Variants in GLT6D1 observed in about 807,000 individuals in gnomAD.
The protein encoded by GLT6D1 is glycosyltransferase 6 domain containing 1.
In GLT6D1, 9 loss-of-function variants were observed where a neutral mutation model predicts 12.3. The observed-to-expected ratio is 0.73, with a 90% CI of 0.44 to 1.27. GLT6D1 has a LOEUF of 1.27. GLT6D1 is among the 50% of genes most tolerant of loss of function. The pLI, the probability that GLT6D1 is intolerant of heterozygous loss-of-function variation, is 0.00. For synonymous variants in GLT6D1, 128 were observed against 132.3 expected (o/e 0.97, Z 0.23); for missense variants, 335 against 346.2 (o/e 0.97, Z 0.26).
chr9:135,630,728 A>AG (rs1374769429), intron 3 of GLT6D1, among the ~76,000 whole-genome samples: 1 of 152,158 alleles, frequency 6.6e-6, no homozygotes, highest in African/African-American at 2.4e-5. Flanking sequence ...TCTACAAAAA[A>AG]AAAAAAAAGA....
chr9:135,640,324 A>G (rs1056437659), upstream of GLT6D1, among the ~76,000 whole-genome samples: 5 of 152,220 alleles, frequency 3.3e-5, no homozygotes, highest in Non-Finnish European at 7.3e-5. Flanking sequence ...TGGGTGTCAT[A>G]GTCTGGAAAG....
At position 135,624,344 on chromosome 9, in the gene GLT6D1, T is replaced by C. The variant is rs35762223; in HGVS notation, c.584A>G (p.His195Arg). Residue 195 changes from histidine to arginine, a missense_variant, in exon 5 of 5, where the codon CAC becomes CGC. By Grantham distance (29) the His-to-Arg change is conservative. Transcript: ENST00000371763. ...ETLGPLVAQL[H>R]AWWYFRNTKN... ...GGTGTTTCTGAAATACCACCAGGCG[T>C]GGAGCTGGGCCACCAACGGGCCCAG... 0.13 allele frequency: 215,998 copies of C among 1,613,038 alleles called. 14,941 individuals are homozygous for C. Among genetic ancestry groups the C allele is most frequent in the East Asian group, 0.16 (7,397 of 44,856 alleles).
At chr9:135,631,381 T>C (rs375619012) in intron 3 of GLT6D1, 50 bp downstream of exon 3, 16 of 1,379,878 alleles carry the variant, frequency 1.2e-5, no homozygotes, top group East Asian at 6.9e-5. Flanking sequence ...TTACTTCCAA[T>C]TGAAGTATAT....
chr9:135,630,621 G>A (rs1009019887), intron 3 of GLT6D1, among the ~76,000 whole-genome samples: 1 of 151,718 alleles, frequency 6.6e-6, no homozygotes, highest in African/African-American at 2.4e-5. Context: ...ACGGGAGGCT[G>A]AGGCAGGAGA....
chr9:135,631,850 G>A (rs577020908), intron 2 of GLT6D1, among the ~76,000 whole-genome samples: 2 of 152,140 alleles, frequency 1.3e-5, no homozygotes, highest in Non-Finnish European at 2.9e-5. Context: ...GTAAAGAGGT[G>A]GGGAGGAGGC....
At chr9:135,636,440 G>C (rs1300691240) in intron 2 of GLT6D1, among the ~76,000 whole-genome samples, 1 of 152,178 alleles carries the variant, frequency 6.6e-6, no homozygotes, top group Non-Finnish European at 1.5e-5. Flanking sequence ...CAGTGGGATT[G>C]TTCTGTACAT....
Position 135,624,037 on chromosome 9 carries a change from G to T in GLT6D1, c.*60C>A. ...TCTGGGAATCATGTGCGACCTTGAC[G>T]TATTGGATCTGTGGAGGAGGAGAAA... On this transcript the variant is annotated 3_prime_UTR_variant, in exon 5 of 5. Coordinates refer to ENST00000371763, the MANE Select transcript of GLT6D1 (RefSeq NM_182974.3). The T allele has an allele frequency of 9.9e-7, 1 of 1,012,514 alleles. No individual in the cohort carries two copies. Among genetic ancestry groups the T allele is most frequent in the East Asian group, 2.4e-5 (1 of 41,882 alleles). 62.7% of individuals were successfully genotyped at this position (1,012,514 alleles called of 1,614,324 possible).
chr9:135,639,396 G>T lies in GLT6D1; in HGVS notation c.-110C>A, dbSNP rs1378430316. ...GCCCGGGGCTGACTGTTCCCCGTGG[G>T]TCAGCTGCACGTGCACTGTCTCTCC... On this transcript the variant is annotated 5_prime_UTR_variant, in exon 1 of 5. Transcript: ENST00000371763. 3 of 462,746 alleles carry T rather than the reference G, an allele frequency of 6.5e-6. No individual in the cohort carries two copies. Among genetic ancestry groups the T allele is most frequent in the Non-Finnish European group, 1.2e-5 (3 of 259,012 alleles). The allele number at this position is 462,746 out of a possible 1,614,324, so 28.7% of individuals were successfully genotyped here.
Position 135,626,158 on chromosome 9 carries a change from T to TA in GLT6D1, c.167dup (p.Trp57MetfsTer45), listed in dbSNP as rs1392223780. 3.1e-6 allele frequency: 5 copies of TA among 1,613,798 alleles called. No homozygotes were observed. Among genetic ancestry groups the TA allele is most frequent in the Non-Finnish European group, 4.2e-6 (5 of 1,179,968 alleles). ...CCCGCCTGTCGAAAGTCCCTTCCCA[T>TA]AGGACAGGAGCGAGCCAGTCTGTTT... On this transcript the variant is annotated frameshift_variant, in exon 4 of 5. Coordinates refer to ENST00000371763, the MANE Select transcript of GLT6D1 (RefSeq NM_182974.3). LOFTEE classifies it high-confidence loss of function.
intron 3 of GLT6D1, among the ~76,000 whole-genome samples, chr9:135,628,892 T>C (rs1292542981): frequency 1.3e-5 from 2 of 152,076 alleles, no homozygotes; most frequent in Admixed American, 6.5e-5. Flanking sequence ...TTTCTGGAAG[T>C]TGGTGGTCAT....
chr9:135,632,261 T>C (rs1833665928), intron 2 of GLT6D1, among the ~76,000 whole-genome samples: 1 of 151,834 alleles, frequency 6.6e-6, no homozygotes, highest in Non-Finnish European at 1.5e-5. Flanking sequence ...GCCTCCCAGG[T>C]AGCTGGGACC....
At chr9:135,640,292 C>A (rs1833865579), upstream of GLT6D1, among the ~76,000 whole-genome samples, 1 of 152,138 alleles carries the variant, frequency 6.6e-6, no homozygotes, top group Non-Finnish European at 1.5e-5. Context: ...TCACATCGAT[C>A]ACAGGTGAAA....
intron 3 of GLT6D1, among the ~76,000 whole-genome samples, chr9:135,626,619 A>G (rs1481989456): frequency 2.0e-5 from 3 of 152,172 alleles, no homozygotes; most frequent in Non-Finnish European, 4.4e-5. Flanking sequence ...GATGGGAGGC[A>G]GGAGATCACC....
chr9:135,626,244 A>T (rs1331671462), intron 3 of GLT6D1, 38 bp from the exon 4 acceptor site: 1 of 1,607,772 alleles, frequency 6.2e-7, no homozygotes, highest in Non-Finnish European at 8.5e-7. Flanking sequence ...GGAGTGCTTT[A>T]CTGAGGCGCC....
intron 2 of GLT6D1, among the ~76,000 whole-genome samples, chr9:135,634,291 G>C (rs1377357208): frequency 5.9e-5 from 9 of 151,966 alleles, no homozygotes; most frequent in Non-Finnish European, 1.5e-5. Context: ...ACCATACCCT[G>C]CTAATTCTGG....
At position 135,624,720 on chromosome 9, in the gene GLT6D1, CTTTCTTTTTTTTT is replaced by C. The variant is rs1214544800; in HGVS notation, c.258-63_258-51del. Reference sequence around the variant, plus strand: ...AACTTACTTTTCTCTTTTTTCTTTTCTTTCTTTTTTTTTTTTTTTTTTTTTTTGAGATGGAGTC... The same window carrying C: ...AACTTACTTTTCTCTTTTTTCTTTTCTTTTTTTTTTTTTTGAGATGGAGTC... On this transcript the variant is annotated intron_variant, in intron 4 of 4. Coordinates refer to ENST00000371763, the MANE Select transcript of GLT6D1 (RefSeq NM_182974.3). 7.3e-6 allele frequency: 6 copies of C among 820,518 alleles called. No individual in the cohort carries two copies. In the African/African-American group the frequency reaches 1.3e-4, roughly 17 times the overall value. 50.8% of individuals were successfully genotyped at this position (820,518 alleles called of 1,614,324 possible).
intron 2 of GLT6D1, among the ~76,000 whole-genome samples, chr9:135,634,822 T>C (rs1833734936): frequency 1.3e-5 from 2 of 152,104 alleles, no homozygotes; most frequent in African/African-American, 2.4e-5. Context: ...CAGGATCCTC[T>C]TGACTGCAGC....
intron 4 of GLT6D1, 69 bp from the exon 5 acceptor site, chr9:135,624,739 T>A (rs1833461989): frequency 9.4e-7 from 1 of 1,064,958 alleles, no homozygotes. Context: ...TTTTTTTTTT[T>A]TTTTTTTTGA....
chr9:135,627,016 A>C (rs748322869), intron 3 of GLT6D1, among the ~76,000 whole-genome samples: 41 of 152,212 alleles, frequency 2.7e-4, no homozygotes, highest in Non-Finnish European at 5.3e-4. Flanking sequence ...TTGACAAAGA[A>C]CATCTACAAA....
Sources: gnomAD v4.1 joint callset for allele counts (sites outside exome capture counted in the v4.1 genomes callset) on GRCh38, gnomAD v4.1.1 for gene constraint, MANE v1.5 for transcripts, NCBI Gene and HGNC (gene_info 2026-07-23, HGNC 2026-07-21) for gene names.